Variants in ARHGAP8 observed in about 807,000 individuals in gnomAD.
The protein encoded by ARHGAP8 is Rho GTPase activating protein 8.
In ARHGAP8, 62 loss-of-function variants were observed where a neutral mutation model predicts 46.1. The ratio of observed to expected loss-of-function variants is 1.34; its 90% CI spans 1.10 to 1.66. The LOEUF is 1.66. ARHGAP8 is among the 40% of genes most tolerant of loss of function. The probability of loss-of-function intolerance (pLI) is 0.00; values close to 1 mark genes in which losing one functional copy is unlikely to be tolerated. For missense variants in ARHGAP8, 923 were observed against 568.4 expected (o/e 1.62, Z -6.34); for synonymous variants, 375 against 243.1 (o/e 1.54, Z -5.05).
At chr22:44,802,586 G>A (rs1928635249) in intron 3 of ARHGAP8, among the ~76,000 whole-genome samples, 2 of 152,290 alleles carry the variant, frequency 1.3e-5, no homozygotes, top group South Asian at 2.1e-4. Context: ...TCCTGTAGTG[G>A]CCATAACAAA....
At chr22:44,817,042 C>T (rs572294977) in intron 5 of ARHGAP8, among the ~76,000 whole-genome samples, 34 of 152,220 alleles carry the variant, frequency 2.2e-4, no homozygotes, top group Non-Finnish European at 1.5e-4. Context: ...CCTGCCACCA[C>T]GCCTGGCTAA....
intron 5 of ARHGAP8, among the ~76,000 whole-genome samples, chr22:44,818,559 C>T (rs982355570): frequency 8.5e-5 from 13 of 152,336 alleles, no homozygotes; most frequent in African/African-American, 3.1e-4. Context: ...ATCCATTACC[C>T]ATTACCCTCA....
chr22:44,852,820 T>C (rs996480746), intron 10 of ARHGAP8, among the ~76,000 whole-genome samples: 6 of 152,204 alleles, frequency 3.9e-5, no homozygotes, highest in African/African-American at 1.4e-4. Context: ...TTGTTTTGTT[T>C]TTGAGGTGAA....
intron 1 of ARHGAP8, among the ~76,000 whole-genome samples, chr22:44,781,531 A>G (rs1031157598): frequency 2.6e-5 from 4 of 151,796 alleles, no homozygotes; most frequent in East Asian, 1.9e-4. Context: ...TTAAATGTTT[A>G]TTTATTTTTG....
chr22:44,781,300 T>C (rs1402020485), intron 1 of ARHGAP8, among the ~76,000 whole-genome samples: 1 of 152,166 alleles, frequency 6.6e-6, no homozygotes, highest in African/African-American at 2.4e-5. Context: ...CTCTCCTTAC[T>C]GCTTCAGGCT....
Position 44,786,472 on chromosome 22 carries a change from A to C in ARHGAP8, c.-56A>C. 6.2e-7 allele frequency: 1 copy of C among 1,605,946 alleles called. No homozygotes were observed. Among genetic ancestry groups the C allele is most frequent in the Non-Finnish European group, 8.5e-7 (1 of 1,176,454 alleles). Reference sequence around the variant, plus strand: ...TTTGCCGCAGAGCTGCAGAGAGACAAGGCGGCGGCGGCTGCTGTGCTGGGT... The same window carrying C: ...TTTGCCGCAGAGCTGCAGAGAGACACGGCGGCGGCGGCTGCTGTGCTGGGT... On this transcript the variant is annotated 5_prime_UTR_variant, in exon 2 of 12. Transcript: ENST00000356099.
chr22:44,783,027 G>T (rs941593775), intron 1 of ARHGAP8, among the ~76,000 whole-genome samples: 1 of 151,954 alleles, frequency 6.6e-6, no homozygotes, highest in African/African-American at 2.4e-5. Flanking sequence ...GCCTGGGCCA[G>T]CCCAGCTCCA....
intron 10 of ARHGAP8, among the ~76,000 whole-genome samples, chr22:44,851,894 G>C (rs2070103141): frequency 6.6e-6 from 1 of 151,760 alleles, no homozygotes; most frequent in Non-Finnish European, 1.5e-5. Flanking sequence ...AGAAAGAAAA[G>C]AAATAAAGAA....
At position 44,791,707 on chromosome 22, in the gene ARHGAP8, AAAAC is replaced by A. The variant is rs567581035; in HGVS notation, c.79+5113_79+5116del. Among the ~76,000 whole-genome samples the A allele has an allele frequency of 3.5e-4, 54 of 152,240 alleles. 1 individual carries two copies. Among genetic ancestry groups the A allele is most frequent in the South Asian group, 2.9e-3 (14 of 4,818 alleles). On this transcript the variant is annotated intron_variant, in intron 2 of 11. Transcript: ENST00000356099. ...TAATAAGAGCAAAACTCCATCTCAA[AAAAC>A]AAACAAACAAAAATACCCCCAGCTT...
At chr22:44,758,776 C>G (rs777263063) in intron 1 of ARHGAP8, among the ~76,000 whole-genome samples, 5 of 152,166 alleles carry the variant, frequency 3.3e-5, no homozygotes, top group Non-Finnish European at 7.3e-5. Context: ...CAGGCTCTTT[C>G]AGGCTTGTGC....
chr22:44,818,247 G>A (rs566954268), intron 5 of ARHGAP8, among the ~76,000 whole-genome samples: 7 of 151,994 alleles, frequency 4.6e-5, no homozygotes, highest in Non-Finnish European at 8.8e-5. Context: ...TCAGGAGTTC[G>A]TGACAAGCCT....
intron 10 of ARHGAP8, among the ~76,000 whole-genome samples, chr22:44,855,040 CTA>C (rs2070187897): frequency 6.6e-6 from 1 of 152,210 alleles, no homozygotes; most frequent in South Asian, 2.1e-4. Flanking sequence ...GGCTTAGTTT[CTA>C]TATTTCTGAG....
chr22:44,830,226 G>C (rs2147131922), intron 7 of ARHGAP8, among the ~76,000 whole-genome samples: 1 of 152,196 alleles, frequency 6.6e-6, no homozygotes, highest in Non-Finnish European at 1.5e-5. Flanking sequence ...GTTTTGCCGT[G>C]TTGGCCAGGC....
chr22:44,845,163 G>C, intron 7 of ARHGAP8, 106 bp from the exon 8 acceptor site: 1 of 1,381,450 alleles, frequency 7.2e-7, no homozygotes, highest in Non-Finnish European at 1.0e-6. Context: ...GACAGTGCCT[G>C]GGTCCTGTGT....
At chr22:44,782,316 G>C (rs1012168707) in intron 1 of ARHGAP8, among the ~76,000 whole-genome samples, 2 of 152,116 alleles carry the variant, frequency 1.3e-5, no homozygotes, top group Admixed American at 1.3e-4. Context: ...CAGCCTGGGC[G>C]ACAAAGTGAG....
At chr22:44,758,762 A>T (rs938711067) in intron 1 of ARHGAP8, among the ~76,000 whole-genome samples, 1 of 152,150 alleles carries the variant, frequency 6.6e-6, no homozygotes, top group African/African-American at 2.4e-5. Context: ...GCAGGTCCAA[A>T]CCACAGGCTC....
intron 7 of ARHGAP8, among the ~76,000 whole-genome samples, chr22:44,830,391 G>A (rs566103800): frequency 6.6e-6 from 1 of 151,536 alleles, no homozygotes. Flanking sequence ...GAGTGCAGTG[G>A]CACAATCTTG....
In ARHGAP8 at chr22:44,862,505, G is replaced by T. The variant is rs776687166; in HGVS notation, c.1212G>T (p.Leu404Phe). Reference protein sequence around the residue: ...PWEQGSRAAPLQEAVPRTQAT... With the variant: ...PWEQGSRAAPFQEAVPRTQAT... ...AACAGGGGAGCAGGGCAGCCCCTTT[G>T]CAGGAGGCTGTGCCACGGACACAAG... The change falls in exon 12 of 12, where the codon TTG becomes TTT. Residue 404 changes from leucine to phenylalanine, a missense_variant. By Grantham distance (22) the Leu-to-Phe change is conservative. Coordinates refer to ENST00000356099, the MANE Select transcript of ARHGAP8 (RefSeq NM_181335.3). The T allele has an allele frequency of 1.2e-6, 2 of 1,613,188 alleles. No individual in the cohort carries two copies. Among genetic ancestry groups the T allele is most frequent in the South Asian group, 1.1e-5 (1 of 91,050 alleles).
At chr22:44,825,385 C>T (rs1930435010) in intron 6 of ARHGAP8, 98 bp from the exon 7 acceptor site, 1 of 1,317,870 alleles carries the variant, frequency 7.6e-7, no homozygotes, top group African/African-American at 1.5e-5. Flanking sequence ...ATGAGATGCC[C>T]AGGTGTCCTG....
Sources: allele counts gnomAD v4.1 joint callset (sites outside exome capture counted in the v4.1 genomes callset), GRCh38; gene constraint gnomAD v4.1.1; transcripts MANE v1.5; gene names NCBI Gene and HGNC (gene_info 2026-07-23, HGNC 2026-07-21).